Variants in FGF13 observed in about 807,000 individuals in gnomAD.
FGF13 encodes the protein fibroblast growth factor homologous factor 2.
A neutral mutation model predicts 19.5 loss-of-function variants in FGF13; 2 were observed. The ratio of observed to expected loss-of-function variants is 0.10; its 90% confidence interval spans 0.04 to 0.32. FGF13 has a LOEUF of 0.32. FGF13 is among the 10% of genes least tolerant of loss of function. The probability of loss-of-function intolerance (pLI) is 1.00; values close to 1 mark genes in which losing one functional copy is unlikely to be tolerated. For synonymous variants in FGF13, 72 were observed against 76.9 expected (o/e 0.94, Z 0.33); for missense variants, 113 against 192.7 (o/e 0.59, Z 2.45).
intron 1 of FGF13, among the ~76,000 whole-genome samples, chrX:139,180,316 T>A (rs922510441): frequency 8.9e-6 from 1 of 112,040 alleles, no homozygotes; most frequent in Non-Finnish European, 1.9e-5. Flanking sequence ...GCAAAGGCCA[T>A]GCATCATCAA....
intron 3 of FGF13, among the ~76,000 whole-genome samples, chrX:138,664,193 A>C (rs1286810282): frequency 1.8e-5 from 2 of 111,802 alleles, no homozygotes; most frequent in African/African-American, 6.5e-5. Flanking sequence ...TAAGCACTAC[A>C]AGAACAATTT....
intron 1 of FGF13, among the ~76,000 whole-genome samples, chrX:139,082,583 G>A (rs181890014): frequency 3.8e-4 from 42 of 111,196 alleles, no homozygotes; most frequent in African/African-American, 1.3e-3. Context: ...GGATTAGAGT[G>A]ATGCAGACAA....
chrX:138,853,743 G>A (rs770234664), downstream of FGF13, among the ~76,000 whole-genome samples: 12 of 110,505 alleles, frequency 1.1e-4, no homozygotes, highest in Non-Finnish European at 2.3e-4. Context: ...TTCCTATGTT[G>A]CATTAATTTC....
intron 1 of FGF13, among the ~76,000 whole-genome samples, chrX:138,999,910 C>T (rs972928412): frequency 2.4e-4 from 27 of 111,820 alleles, no homozygotes; most frequent in Admixed American, 1.0e-3. Context: ...CCAATATCCA[C>T]GATGAACATC....
rs769414292 is a variant in FGF13, at chrX:138,632,927, C to T, written c.661G>A (p.Gly221Arg). The T allele has an allele frequency of 4.1e-6, 5 of 1,208,334 alleles. No homozygotes were observed. The highest frequency in any genetic ancestry group is 4.4e-5 in the Admixed American group (2 of 45,538). ...DLTEFSRSGS[G>R]TPTKSRSVSG... ...ACACTTCTGCTCTTGGTTGGGGTCC[C>T]GCTTCCAGATCGGGAGAACTCCGTG... Residue 221 changes from glycine to arginine, a missense_variant, in exon 5 of 5, where the codon GGG becomes AGG. This residue lies in a region of FGF13 where 43 missense variants were observed against 41.4 expected (regional missense o/e 1.04). Coordinates refer to ENST00000315930, the MANE Select transcript of FGF13 (RefSeq NM_004114.5).
intron 1 of FGF13, among the ~76,000 whole-genome samples, chrX:139,019,220 G>A (rs1384223068): frequency 1.8e-5 from 2 of 111,748 alleles, no homozygotes; most frequent in African/African-American, 3.2e-5. Context: ...TAGAAAACCT[G>A]GGTTCCAGCC....
At chrX:139,027,957 A>C (rs1206902952) in intron 1 of FGF13, among the ~76,000 whole-genome samples, 1 of 111,691 alleles carries the variant, frequency 9.0e-6, no homozygotes, top group African/African-American at 3.2e-5. Flanking sequence ...TCATTTCTAC[A>C]TGCTTTCAAA....
At chrX:138,730,341 A>T (rs192079558) in intron 1 of FGF13, among the ~76,000 whole-genome samples, 167 of 111,523 alleles carry the variant, frequency 1.5e-3, no homozygotes, top group African/African-American at 5.1e-3. Context: ...ATAATAATAA[A>T]AAAATAATAA....
intron 1 of FGF13, among the ~76,000 whole-genome samples, chrX:139,071,283 A>G (rs994809203): frequency 9.0e-6 from 1 of 111,487 alleles, no homozygotes; most frequent in African/African-American, 3.3e-5. Context: ...TTTTATTGAC[A>G]ATTTTCATTT....
intron 1 of FGF13, among the ~76,000 whole-genome samples, chrX:138,962,550 G>A (rs758532866): frequency 4.1e-4 from 46 of 112,188 alleles, no homozygotes; most frequent in African/African-American, 1.4e-3. Context: ...GCACACATAT[G>A]TTTACTGCAG....
chrX:139,146,037 A>T (rs10283983), intron 1 of FGF13, among the ~76,000 whole-genome samples: 6,760 of 111,494 alleles, frequency 0.061, 409 homozygotes, highest in African/African-American at 0.18. Flanking sequence ...CCTAGGCAAT[A>T]CCATTCAGGA....
In FGF13 at chrX:138,977,607, G is replaced by T. The variant is rs139554281; in HGVS notation, c.-112-112957C>A. On this transcript the variant is annotated intron_variant, in intron 1 of 2. Transcript: ENST00000421460. ...GCTCATGAATATCTGACCTTAATTG[G>T]TAAGAACATACCTATACATGCACAG... Among the ~76,000 whole-genome samples the T allele has an allele frequency of 2.0e-3, 224 of 112,351 alleles. 4 individuals are homozygous for T. The East Asian group carries it at 0.054, about 27-fold the overall frequency.
At chrX:138,662,411 T>C (rs759659830) in intron 3 of FGF13, among the ~76,000 whole-genome samples, 1 of 111,916 alleles carries the variant, frequency 8.9e-6, no homozygotes, top group East Asian at 2.8e-4. Context: ...AAAAGATGAC[T>C]TTGGAATATG....
intron 1 of FGF13, among the ~76,000 whole-genome samples, chrX:139,096,072 T>A (rs1447232424): frequency 8.9e-6 from 1 of 112,117 alleles, no homozygotes; most frequent in East Asian, 2.8e-4. Flanking sequence ...CCACTTTAAT[T>A]CATTCCAATT....
At chrX:138,702,848 C>T (rs1326737309) in intron 3 of FGF13, 136 bp downstream of exon 3, 1 of 460,164 alleles carries the variant, frequency 2.2e-6, no homozygotes, top group African/African-American at 2.4e-5. Flanking sequence ...TTAATCTGTC[C>T]TTTCAATGAA....
At chrX:138,853,620 CGTGTGT>C (rs34651876), downstream of FGF13, among the ~76,000 whole-genome samples, 82 of 99,899 alleles carry the variant, frequency 8.2e-4, no homozygotes, top group South Asian at 4.9e-3. Context: ...TGTGCGTGTG[CGTGTGT>C]GTGTGTGTGT....
chrX:138,775,408 T>G (rs1347681183), intron 3 of FGF13, among the ~76,000 whole-genome samples: 2 of 112,405 alleles, frequency 1.8e-5, no homozygotes, highest in African/African-American at 6.5e-5. Context: ...AAATATTTTA[T>G]TCTTCATTTT....
At chrX:138,911,217 C>T (rs1022283723) in intron 1 of FGF13, among the ~76,000 whole-genome samples, 3 of 111,785 alleles carry the variant, frequency 2.7e-5, no homozygotes, top group African/African-American at 9.8e-5. Context: ...AGCGCACCTC[C>T]AGGCCATTGT....
chrX:138,869,830 T>G (rs1024308066), intron 1 of FGF13, among the ~76,000 whole-genome samples: 3 of 112,112 alleles, frequency 2.7e-5, no homozygotes, highest in Non-Finnish European at 3.8e-5. Flanking sequence ...CAGATTCTAA[T>G]TCCCCATTCA....
Sources: allele counts gnomAD v4.1 joint callset (sites outside exome capture counted in the v4.1 genomes callset), GRCh38; gene constraint gnomAD v4.1.1; regional missense constraint gnomAD v4.1.1; transcripts MANE v1.5; gene names NCBI Gene and HGNC (gene_info 2026-07-23, HGNC 2026-07-21).